Variants in DDX60 observed in about 807,000 individuals in gnomAD.
DDX60 encodes probable ATP-dependent RNA helicase DDX60.
In DDX60, 165 loss-of-function variants were observed where a neutral mutation model predicts 212.8. The observed-to-expected ratio is 0.78, with a 90% CI of 0.68 to 0.88. The LOEUF is 0.88. Among genes scored for constraint, DDX60 ranks in the 40% least tolerant of loss-of-function variants. The probability of loss-of-function intolerance (pLI) is 0.00; values close to 1 mark genes in which losing one functional copy is unlikely to be tolerated. For missense variants in DDX60, 1,905 were observed against 2,003.9 expected, an observed-to-expected ratio of 0.95 and a Z score of 0.94; for synonymous variants, 703 against 685.3, an observed-to-expected ratio of 1.03 and a Z score of -0.40.
At chr4:168,309,347 C>T (rs1737031684) in intron 3 of DDX60, among the ~76,000 whole-genome samples, 1 of 152,110 alleles carries the variant, frequency 6.6e-6, no homozygotes, top group Non-Finnish European at 1.5e-5. Context: ...AGTTGAATTG[C>T]CTGATGTGTG....
At chr4:168,258,353 G>C (rs1039712831) in intron 25 of DDX60, among the ~76,000 whole-genome samples, 3 of 152,176 alleles carry the variant, frequency 2.0e-5, no homozygotes, top group Non-Finnish European at 4.4e-5. Context: ...GGGCAGAGGT[G>C]GGATCCAAGT....
At chr4:168,308,623 T>C (rs1056961845) in intron 3 of DDX60, among the ~76,000 whole-genome samples, 3 of 150,228 alleles carry the variant, frequency 2.0e-5, no homozygotes, top group African/African-American at 7.3e-5. Context: ...TGAACAATCA[T>C]ATATACATAT....
chr4:168,294,200 G>GTA (rs1736240844), intron 6 of DDX60, among the ~76,000 whole-genome samples: 1 of 152,114 alleles, frequency 6.6e-6, no homozygotes, highest in Non-Finnish European at 1.5e-5. Flanking sequence ...AGAGCTCACT[G>GTA]TATAACAAGA....
intron 7 of DDX60, among the ~76,000 whole-genome samples, chr4:168,292,220 G>C (rs763622167): frequency 1.3e-5 from 2 of 151,582 alleles, no homozygotes; most frequent in East Asian, 3.9e-4. Context: ...GCTAATTTTT[G>C]TATTTTTAGT....
chr4:168,237,892 CAA>C (rs1733686817), intron 30 of DDX60, 97 bp from the exon 31 acceptor site: 4 of 823,822 alleles, frequency 4.9e-6, no homozygotes, highest in East Asian at 3.0e-5. Context: ...TATTATACCA[CAA>C]AGATATCAGA....
intron 26 of DDX60, among the ~76,000 whole-genome samples, chr4:168,253,099 G>A (rs531730202): frequency 1.3e-5 from 2 of 152,114 alleles, no homozygotes; most frequent in Non-Finnish European, 1.5e-5. Flanking sequence ...CACCGTGCCC[G>A]GCCTGCTGTG....
intron 25 of DDX60, among the ~76,000 whole-genome samples, chr4:168,258,584 G>A (rs1478907054): frequency 6.6e-6 from 1 of 152,168 alleles, no homozygotes; most frequent in Non-Finnish European, 1.5e-5. Context: ...GATGTTCACA[G>A]TTTATTTTGT....
At chr4:168,290,137 AT>A (rs1736023814) in intron 8 of DDX60, among the ~76,000 whole-genome samples, 2 of 151,900 alleles carry the variant, frequency 1.3e-5, no homozygotes, top group Admixed American at 1.3e-4. Context: ...TCACTTTCCC[AT>A]ATTTTTGCTA....
At chr4:168,255,959 T>A in intron 25 of DDX60, 90 bp from the exon 26 acceptor site, 1 of 1,359,058 alleles carries the variant, frequency 7.4e-7, no homozygotes, top group South Asian at 1.6e-5. Context: ...TCCCGACATC[T>A]GCCTGTTGGG....
In DDX60 at chr4:168,293,644, C is replaced by A. The variant is rs535968752; in HGVS notation, c.882+143G>T. ...CACAATAAGTGTTTCCTGATAGACA[C>A]AAATTTCAGTTTTATTTTCTGAAGT... On this transcript the variant is annotated intron_variant, in intron 7 of 37. Transcript: ENST00000393743. 6.8e-6 allele frequency: 5 copies of A among 736,656 alleles called. No homozygotes were observed. In the Admixed American group the frequency reaches 1.4e-4, roughly 21 times the overall value. 45.6% of individuals were successfully genotyped at this position (736,656 alleles called of 1,614,324 possible).
intron 19 of DDX60, among the ~76,000 whole-genome samples, chr4:168,271,153 G>A (rs1171863134): frequency 6.6e-6 from 1 of 152,108 alleles, no homozygotes; most frequent in Admixed American, 6.6e-5. Flanking sequence ...CCTGGGATTA[G>A]AGGTGTGAGC....
At chr4:168,276,244 C>T (rs1041933998) in intron 14 of DDX60, 63 bp from the exon 15 acceptor site, 11 of 1,365,916 alleles carry the variant, frequency 8.1e-6, no homozygotes, top group Non-Finnish European at 1.0e-5. Context: ...ATTTGATTAC[C>T]CAAGATTAAT....
intron 31 of DDX60, 67 bp from the exon 32 acceptor site, chr4:168,237,494 C>T: frequency 7.0e-7 from 1 of 1,419,036 alleles, no homozygotes; most frequent in South Asian, 1.6e-5. Flanking sequence ...TTATTAAGTA[C>T]CAGTTTAAAA....
In DDX60 at chr4:168,297,929, ATAATT is replaced by A. The variant is rs1312748888; in HGVS notation, c.724-3989_724-3985del. Among the ~76,000 whole-genome samples the A allele has an allele frequency of 3.3e-5, 5 of 150,974 alleles. No homozygotes were observed. The East Asian group carries it at 9.8e-4, about 30-fold the overall frequency. On this transcript the variant is annotated intron_variant, in intron 6 of 37. Transcript: ENST00000393743. ...AAATAATAAAATAATAGTAATAATG[ATAATT>A]TAATAATAAAATTAATATTTTTAAA... is the stretch of plus-strand genomic sequence containing the variant.
chr4:168,257,952 A>G (rs904482741), intron 25 of DDX60, among the ~76,000 whole-genome samples: 6 of 152,218 alleles, frequency 3.9e-5, no homozygotes, highest in Non-Finnish European at 7.3e-5. Context: ...TGGAGATGCC[A>G]TTACTGGGTG....
At chr4:168,242,365 C>T (rs72693119) in intron 30 of DDX60, among the ~76,000 whole-genome samples, 8,912 of 152,164 alleles carry the variant, frequency 0.059, 450 homozygotes, top group East Asian at 0.15. Context: ...GCTGTGTGCC[C>T]GGAAAAGCCA....
At chr4:168,220,601 A>G (rs1733018790) in intron 37 of DDX60, 54 bp downstream of exon 37, 1 of 1,055,480 alleles carries the variant, frequency 9.5e-7, no homozygotes, top group Non-Finnish European at 1.3e-6. Context: ...CATTTTTCAA[A>G]TTATAAATAA....
At chr4:168,240,132 A>G (rs1438596347) in intron 30 of DDX60, among the ~76,000 whole-genome samples, 1 of 152,184 alleles carries the variant, frequency 6.6e-6, no homozygotes, top group Non-Finnish European at 1.5e-5. Context: ...CTCAGCATAC[A>G]AAATCAATGT....
rs181224811 is a variant in DDX60, at chr4:168,258,531, T to G, written c.3398+2334A>C. On this transcript the variant is annotated intron_variant, in intron 25 of 37. Transcript: ENST00000393743. Reference sequence around the variant, plus strand: ...GTAAAACTTGAGCCCAGAAAAATCCTCAGATCTCTTGATGATCTGGGATCA... The same window carrying G: ...GTAAAACTTGAGCCCAGAAAAATCCGCAGATCTCTTGATGATCTGGGATCA... Among the ~76,000 whole-genome samples, 49 of 152,276 alleles carry G rather than the reference T, an allele frequency of 3.2e-4. No homozygotes were observed. The Middle Eastern group carries it at 0.01, about 32-fold the overall frequency.
Sources: allele counts gnomAD v4.1 joint callset (sites outside exome capture counted in the v4.1 genomes callset), GRCh38; gene constraint gnomAD v4.1.1; transcripts MANE v1.5; gene names NCBI Gene and HGNC (gene_info 2026-07-23, HGNC 2026-07-21).